NBEA: variants seen among roughly 807,000 people sequenced by gnomAD.
NBEA encodes the protein lysosomal-trafficking regulator 2.
Under a neutral mutation model 343.4 loss-of-function variants are expected in NBEA, and 44 were observed. That is an observed-to-expected ratio of 0.13 (90% CI 0.10 to 0.16). NBEA has a LOEUF of 0.16. Among genes scored for constraint, NBEA ranks in the 10% least tolerant of loss-of-function variants. NBEA has a pLI of 1.00. For missense variants in NBEA, 2,555 were observed against 3,631.3 expected, an observed-to-expected ratio of 0.70 and a Z score of 7.62; for synonymous variants, 1,175 against 1,238.7, an observed-to-expected ratio of 0.95 and a Z score of 1.08.
intron 1 of NBEA, among the ~76,000 whole-genome samples, chr13:34,952,812 A>T (rs1041645437): frequency 6.6e-6 from 1 of 152,166 alleles, no homozygotes; most frequent in African/African-American, 2.4e-5. Flanking sequence ...GATGGTATAT[A>T]AATATTTTTA....
intron 46 of NBEA, among the ~76,000 whole-genome samples, chr13:35,592,708 C>G (rs2322672): frequency 0.23 from 34,507 of 151,890 alleles, 4,111 homozygotes; most frequent in African/African-American, 0.26. Context: ...TAAGCAGGTT[C>G]CAGATCATTC....
At chr13:35,539,915 C>CAAAAAAAAAAAAAAAAAAAAAA (rs71081262) in intron 41 of NBEA, among the ~76,000 whole-genome samples, 2 of 39,616 alleles carry the variant, frequency 5.0e-5, no homozygotes, top group Non-Finnish European at 9.2e-5. Flanking sequence ...GACTCCGTCT[C>CAAAAAAAAAAAAAAAAAAAAAA]AAAAAAAAAA....
chr13:35,487,320 T>C (rs1240382995), intron 41 of NBEA, among the ~76,000 whole-genome samples: 1 of 152,026 alleles, frequency 6.6e-6, no homozygotes, highest in Non-Finnish European at 1.5e-5. Flanking sequence ...TTAGTACTTA[T>C]AGTTACTAAT....
At chr13:35,399,810 G>A (rs868847986) in intron 38 of NBEA, among the ~76,000 whole-genome samples, 1 of 152,024 alleles carries the variant, frequency 6.6e-6, no homozygotes, top group South Asian at 2.1e-4. Context: ...AAAGACGTGA[G>A]CCTCTTCCTT....
intron 51 of NBEA, among the ~76,000 whole-genome samples, chr13:35,648,520 A>C (rs1184133688): frequency 6.6e-6 from 1 of 152,148 alleles, no homozygotes; most frequent in Non-Finnish European, 1.5e-5. Context: ...TCCTGGAGAT[A>C]TGCCCAGTCA....
intron 48 of NBEA, among the ~76,000 whole-genome samples, chr13:35,621,666 T>G (rs893147258): frequency 6.6e-6 from 1 of 152,174 alleles, no homozygotes; most frequent in African/African-American, 2.4e-5. Context: ...CAATATTTGC[T>G]GAGTGAATGA....
rs189389828 is a variant in NBEA at position 35,602,509 on chromosome 13, G to C, written c.7297-3917G>C. ...GCTCTGGTGTTTGAAACCTCTAGGG[G>C]CTCTGCAAACAAGCTGTGCTTCAGA... On this transcript the variant is annotated intron_variant, in intron 47 of 58. Coordinates refer to ENST00000379939, the MANE Select transcript of NBEA (RefSeq NM_001385012.1). Among the ~76,000 whole-genome samples the C allele has an allele frequency of 4.6e-5, 7 of 152,280 alleles. No homozygotes were observed. In the East Asian group the frequency reaches 1.4e-3, roughly 29 times the overall value.
At chr13:35,143,404 G>A (rs1257004440) in intron 18 of NBEA, among the ~76,000 whole-genome samples, 1 of 152,080 alleles carries the variant, frequency 6.6e-6, no homozygotes, top group Non-Finnish European at 1.5e-5. Context: ...AAATACCAGT[G>A]CATACCCATC....
intron 38 of NBEA, among the ~76,000 whole-genome samples, chr13:35,399,215 C>T (rs1045451365): frequency 7.2e-5 from 11 of 152,086 alleles, no homozygotes; most frequent in Admixed American, 3.9e-4. Context: ...TGTGATCTAT[C>T]GAGGCCACTC....
chr13:35,422,499 T>G (rs1436317305), intron 38 of NBEA, among the ~76,000 whole-genome samples: 1 of 152,146 alleles, frequency 6.6e-6, no homozygotes, highest in African/African-American at 2.4e-5. Context: ...TATGGCTGCA[T>G]AGTATTCCAT....
Position 35,667,496 on chromosome 13 carries a change from G to C in NBEA, c.8587G>C (p.Glu2863Gln), listed in dbSNP as rs762893652. The C allele has an allele frequency of 6.8e-6, 11 of 1,613,974 alleles. No homozygotes were observed. In the South Asian group the frequency reaches 1.2e-4, roughly 18 times the overall value. Residue 2863 changes from glutamate to glutamine, a missense_variant, in exon 57 of 59, where the codon GAA becomes CAA. By Grantham distance (29) the Glu-to-Gln change is conservative. Around this residue, in one of 21 missense-constraint regions of NBEA, gnomAD observed 186 missense variants for 328.9 expected, o/e 0.57. Transcript: ENST00000379939. The stretch of plus-strand genomic sequence containing the variant: ...CGAAGGCCACTGTATCATATACTAT[G>C]AACGAGGGCGATTCAGTAATTTCAG... Reference protein sequence around the residue: ...SSEGHCIIYYERGRFSNFSIN... With the variant: ...SSEGHCIIYYQRGRFSNFSIN...
chr13:35,161,248 G>T (rs555453334), intron 22 of NBEA, among the ~76,000 whole-genome samples: 2 of 152,222 alleles, frequency 1.3e-5, no homozygotes, highest in African/African-American at 4.8e-5. Flanking sequence ...CATTTTTCTG[G>T]TTTGTTTTCT....
At chr13:35,202,823 C>T (rs2073114204) in intron 31 of NBEA, among the ~76,000 whole-genome samples, 1 of 152,132 alleles carries the variant, frequency 6.6e-6, no homozygotes, top group South Asian at 2.1e-4. Flanking sequence ...TATAAGAAAG[C>T]TGCTCCAACC....
chr13:35,183,972 A>C lies in NBEA; in HGVS notation c.4832-4A>C, dbSNP rs1163643130. On this transcript the variant is annotated splice_region_variant and splice_polypyrimidine_tract_variant and intron_variant, in intron 29 of 58. Coordinates refer to ENST00000379939, the MANE Select transcript of NBEA (RefSeq NM_001385012.1). ...CAAATTTGATTCCATGATTTTCTCC[A>C]CAGTTGTGGTCATACCATCTATCCC... is the stretch of plus-strand genomic sequence containing the variant. 6.2e-7 allele frequency: 1 copy of C among 1,604,780 alleles called. No individual in the cohort carries two copies. Among genetic ancestry groups the C allele is most frequent in the Non-Finnish European group, 8.5e-7 (1 of 1,174,198 alleles).
At chr13:35,484,260 GTGTGTGTGTGTGTGTATATA>G (rs1469964117) in intron 41 of NBEA, among the ~76,000 whole-genome samples, 5 of 135,628 alleles carry the variant, frequency 3.7e-5, no homozygotes, top group African/African-American at 1.4e-4. Flanking sequence ...GTGTGTGTGT[GTGTGTGTGTGTGTGTATATA>G]TATATATATA....
chr13:35,031,532 T>A (rs1009526959), intron 1 of NBEA, among the ~76,000 whole-genome samples: 3 of 151,496 alleles, frequency 2.0e-5, no homozygotes, highest in Non-Finnish European at 4.4e-5. Flanking sequence ...GCTGGGGTGG[T>A]TAGAGAACTG....
intron 34 of NBEA, among the ~76,000 whole-genome samples, chr13:35,235,653 T>C (rs1279769898): frequency 6.6e-6 from 1 of 152,212 alleles, no homozygotes; most frequent in African/African-American, 2.4e-5. Flanking sequence ...TGCTCTGTAT[T>C]GGAAAATCAG....
chr13:35,623,539 A>G (rs1256643442), intron 48 of NBEA, among the ~76,000 whole-genome samples: 2 of 152,110 alleles, frequency 1.3e-5, no homozygotes, highest in Admixed American at 6.5e-5. Context: ...ATTTTATAAT[A>G]AAAAAGACAA....
intron 58 of NBEA, 41 bp downstream of exon 58, chr13:35,668,560 C>A: frequency 6.6e-7 from 1 of 1,511,118 alleles, no homozygotes; most frequent in South Asian, 1.3e-5. Context: ...TGAGAACTGT[C>A]ATTGAAGGCT....
Sources: allele counts gnomAD v4.1 joint callset (sites outside exome capture counted in the v4.1 genomes callset), GRCh38; gene constraint gnomAD v4.1.1; regional missense constraint gnomAD v4.1.1; transcripts MANE v1.5; gene names NCBI Gene and HGNC (gene_info 2026-07-23, HGNC 2026-07-21).